The following FAM78B variants were observed in gnomAD, a reference collection of about 807,000 sequenced individuals.
FAM78B encodes protein FAM78B.
Under a neutral mutation model 20.0 loss-of-function variants are expected in FAM78B, and 10 were observed. The ratio of observed to expected loss-of-function variants is 0.50; its 90% CI spans 0.31 to 0.85. FAM78B has a LOEUF of 0.85. Ranked by LOEUF, FAM78B falls within the 40% of genes least tolerant of loss-of-function variation. The pLI is 0.05. For missense variants in FAM78B, 283 were observed against 345.0 expected (o/e 0.82, Z 1.42); for synonymous variants, 135 against 132.8 (o/e 1.02, Z -0.12).
chr1:166,061,314 C>T (rs1651590118), intron 2 of FAM78B, among the ~76,000 whole-genome samples: 1 of 152,152 alleles, frequency 6.6e-6, no homozygotes, highest in South Asian at 2.1e-4. Context: ...TAAAGCCAAG[C>T]ATCAGGCATC....
chr1:166,134,938 T>G (rs1463370894), intron 1 of FAM78B, among the ~76,000 whole-genome samples: 1 of 152,240 alleles, frequency 6.6e-6, no homozygotes, highest in African/African-American at 2.4e-5. Context: ...GTCCTAAAAC[T>G]ATCAAGCTCT....
chr1:166,096,215 G>T (rs1364627980), intron 1 of FAM78B, among the ~76,000 whole-genome samples: 1 of 152,184 alleles, frequency 6.6e-6, no homozygotes, highest in African/African-American at 2.4e-5. Flanking sequence ...TTTGACTGCT[G>T]GGGAGAATAT....
rs1651948263 is a variant in FAM78B, at chr1:166,069,885, T to G, written c.*356A>C. 4 of 735,544 alleles carry G rather than the reference T, an allele frequency of 5.4e-6. No individual in the cohort carries two copies. Among genetic ancestry groups the G allele is most frequent in the Non-Finnish European group, 6.7e-6 (4 of 595,564 alleles). 45.6% of individuals were successfully genotyped at this position (735,544 alleles called of 1,614,324 possible). A position where few individuals can be genotyped will look rare whatever the true frequency, so the allele number is the denominator to read the frequency against. On this transcript the variant is annotated 3_prime_UTR_variant, in exon 2 of 2. Coordinates refer to ENST00000354422, the MANE Select transcript of FAM78B (RefSeq NM_001017961.5). ...TTCTAATTGGCTGGGAAGCAGCATT[T>G]GCCACAGGCACTGTTTAATTTCGTT...
At chr1:166,157,029 G>C (rs1269945487) in intron 1 of FAM78B, among the ~76,000 whole-genome samples, 2 of 40,336 alleles carry the variant, frequency 5.0e-5, no homozygotes, top group African/African-American at 1.3e-4. Context: ...CGTCAAGGGG[G>C]CGGCGGAGGG....
chr1:166,089,975 C>T (rs533976408), intron 1 of FAM78B, among the ~76,000 whole-genome samples: 2 of 152,300 alleles, frequency 1.3e-5, no homozygotes, highest in South Asian at 2.1e-4. Flanking sequence ...TGGGGCTCTT[C>T]GCCCTCCTGG....
At chr1:166,109,003 T>C (rs540170359) in intron 1 of FAM78B, among the ~76,000 whole-genome samples, 1 of 152,144 alleles carries the variant, frequency 6.6e-6, no homozygotes, top group Admixed American at 6.5e-5. Flanking sequence ...TACACAAAAA[T>C]CAACTCAAGA....
chr1:166,078,549 T>G (rs1167328528), intron 1 of FAM78B, among the ~76,000 whole-genome samples: 6 of 152,194 alleles, frequency 3.9e-5, no homozygotes, highest in Admixed American at 3.9e-4. Context: ...AAACATCATG[T>G]TAAGCATTTC....
intron 1 of FAM78B, among the ~76,000 whole-genome samples, chr1:166,084,237 A>T (rs12755892): frequency 1.9e-3 from 238 of 125,468 alleles, no homozygotes; most frequent in African/African-American, 4.5e-3. Flanking sequence ...ACACACACAC[A>T]CTCTCTCTCT....
At chr1:166,080,321 C>A (rs1652513643) in intron 1 of FAM78B, among the ~76,000 whole-genome samples, 1 of 149,714 alleles carries the variant, frequency 6.7e-6, no homozygotes, top group Non-Finnish European at 1.5e-5. Flanking sequence ...CTTTGGCCAC[C>A]CAGGTTCCTC....
chr1:166,163,393 G>A (rs900502359), intron 1 of FAM78B, among the ~76,000 whole-genome samples: 7 of 152,196 alleles, frequency 4.6e-5, no homozygotes, highest in Non-Finnish European at 7.4e-5. Flanking sequence ...TCTTGGAAAA[G>A]TTTACAATTT....
Position 166,109,919 on chromosome 1 carries a change from T to A in FAM78B, c.264-39156A>T, listed in dbSNP as rs192533132. Among the ~76,000 whole-genome samples the A allele has an allele frequency of 1.3e-4, 14 of 108,820 alleles. No individual in the cohort carries two copies. In the East Asian group the frequency reaches 3.2e-3, roughly 25 times the overall value. The allele number at this position is 108,820 out of a possible 152,430, so 71.4% of individuals were successfully genotyped here. On this transcript the variant is annotated intron_variant, in intron 1 of 1. Coordinates refer to ENST00000354422, the MANE Select transcript of FAM78B (RefSeq NM_001017961.5). ...ATATATATATATATATATATATATATAATGGAATACTATGCAGACATAAAA... is the reference window on the plus strand; with the variant it reads ...ATATATATATATATATATATATATAAAATGGAATACTATGCAGACATAAAA...
At chr1:166,095,302 G>T (rs1308884557) in intron 1 of FAM78B, among the ~76,000 whole-genome samples, 1 of 152,062 alleles carries the variant, frequency 6.6e-6, no homozygotes, top group African/African-American at 2.4e-5. Context: ...CGGAGTGCAG[G>T]TGGCAGCAGA....
intron 1 of FAM78B, among the ~76,000 whole-genome samples, chr1:166,146,008 G>A (rs1655439655): frequency 6.6e-6 from 1 of 152,190 alleles, no homozygotes; most frequent in Non-Finnish European, 1.5e-5. Context: ...GCGAAGGAGA[G>A]ATGATAGCTT....
intron 1 of FAM78B, among the ~76,000 whole-genome samples, chr1:166,162,495 C>T (rs1369026816): frequency 6.6e-6 from 1 of 152,194 alleles, no homozygotes; most frequent in Non-Finnish European, 1.5e-5. Flanking sequence ...TTTCCCTGAC[C>T]TTGTCTTCAT....
intron 1 of FAM78B, among the ~76,000 whole-genome samples, chr1:166,079,194 A>C (rs1293953832): frequency 6.6e-6 from 1 of 152,070 alleles, no homozygotes; most frequent in Non-Finnish European, 1.5e-5. Flanking sequence ...CCGCCCGCCA[A>C]GTTGCTGGGA....
chr1:166,166,039 C>G lies in FAM78B; in HGVS notation c.210G>C (p.Trp70Cys). ...ACTCCATCTGATTGCACGCCTGAATCCAGCCCACCACCCAGGTCTCGTGGC... is the reference window on the plus strand; with the variant it reads ...ACTCCATCTGATTGCACGCCTGAATGCAGCCCACCACCCAGGTCTCGTGGC... ...IPRHETWVVG[W>C]IQACNQMEFF... The change falls in exon 1 of 2, where the codon TGG (tryptophan) becomes TGC (cysteine). Residue 70 changes from tryptophan to cysteine, a missense_variant. By Grantham distance (215) the Trp-to-Cys change is radical. Coordinates refer to ENST00000354422, the MANE Select transcript of FAM78B (RefSeq NM_001017961.5). 1 of 1,612,234 alleles carries G rather than the reference C, an allele frequency of 6.2e-7. No individual in the cohort carries two copies. The highest frequency in any genetic ancestry group is 8.5e-7 in the Non-Finnish European group (1 of 1,179,092).
intron 1 of FAM78B, among the ~76,000 whole-genome samples, chr1:166,143,368 A>G (rs1655346649): frequency 6.6e-6 from 1 of 151,976 alleles, no homozygotes; most frequent in Non-Finnish European, 1.5e-5. Flanking sequence ...TGGGAGCTAC[A>G]TGCCATGTGG....
intron 1 of FAM78B, among the ~76,000 whole-genome samples, chr1:166,071,148 A>AAAT (rs2101710194): frequency 6.6e-6 from 1 of 152,332 alleles, no homozygotes; most frequent in African/African-American, 2.4e-5. Flanking sequence ...TTTTGGGAAG[A>AAAT]AATGATGGTT....
In FAM78B at chr1:166,128,942, A is replaced by G. The variant is rs74866294; in HGVS notation, c.263+37044T>C. ...TTAATTGTATAGAGTGCTGGAATGA[A>G]ATAATAGAAAGCATGGGAGGAGGTG... is the stretch of plus-strand genomic sequence containing the variant. On this transcript the variant is annotated intron_variant, in intron 1 of 1. Coordinates refer to ENST00000354422, the MANE Select transcript of FAM78B (RefSeq NM_001017961.5). 3.7e-3 allele frequency among the ~76,000 whole-genome samples: 557 copies of G among 152,350 alleles called. 8 individuals carry two copies. In the East Asian group the frequency reaches 0.052, roughly 14 times the overall value.
Sources: gnomAD v4.1 joint callset for allele counts (sites outside exome capture counted in the v4.1 genomes callset) on GRCh38, gnomAD v4.1.1 for gene constraint, MANE v1.5 for transcripts, NCBI Gene and HGNC (gene_info 2026-07-23, HGNC 2026-07-21) for gene names.